DARS2: variants seen among roughly 807,000 people sequenced by gnomAD.
The protein encoded by DARS2 is aspartate--tRNA ligase, mitochondrial.
Under a neutral mutation model 83.0 loss-of-function variants are expected in DARS2, and 63 were observed. The ratio of observed to expected loss-of-function variants is 0.76; its 90% CI spans 0.62 to 0.94. The LOEUF (loss-of-function observed/expected upper bound fraction) is 0.94, where lower values mean the gene tolerates loss of function less well. Ranked by LOEUF, DARS2 falls within the 40% of genes least tolerant of loss-of-function variation. DARS2 has a pLI of 0.00. For missense variants in DARS2, 675 were observed against 774.4 expected (o/e 0.87, Z 1.52); for synonymous variants, 250 against 269.3 (o/e 0.93, Z 0.70).
chr1:173,827,459 C>T (rs975506315), intron 2 of DARS2, among the ~76,000 whole-genome samples: 3 of 152,116 alleles, frequency 2.0e-5, no homozygotes, highest in Middle Eastern at 3.2e-3. Flanking sequence ...GAAACCCCGT[C>T]TCTACTAAAA....
chr1:173,824,851 T>G lies in DARS2; in HGVS notation c.-379T>G. 4.4e-6 allele frequency: 1 copy of G among 224,844 alleles called. No homozygotes were observed. The highest frequency in any genetic ancestry group is 5.3e-5 in the South Asian group (1 of 18,826). 13.9% of individuals were successfully genotyped at this position (224,844 alleles called of 1,614,324 possible). ...GGCCGCGGGAGCCTCTCGAGAAGCG[T>G]GGAAAGAGGAGAAGGGCGTATACCT... On this transcript the variant is annotated 5_prime_UTR_variant, in exon 1 of 17. Coordinates refer to ENST00000649689, the MANE Select transcript of DARS2 (RefSeq NM_018122.5).
rs537389428 is a variant in DARS2 at position 173,829,475 on chromosome 1, A to T, written c.294+1076A>T. Reference sequence around the variant, plus strand: ...GACAGAGTGATATTCTGAAAAAAAAATTTTTTTAATTAAAAAATTCAAGGC... The same window carrying T: ...GACAGAGTGATATTCTGAAAAAAAATTTTTTTTAATTAAAAAATTCAAGGC... On this transcript the variant is annotated intron_variant, in intron 3 of 16. Coordinates refer to ENST00000649689, the MANE Select transcript of DARS2 (RefSeq NM_018122.5). 4.3e-4 allele frequency among the ~76,000 whole-genome samples: 66 copies of T among 152,204 alleles called. 1 individual carries two copies. Among genetic ancestry groups the T allele is most frequent in the African/African-American group, 1.1e-3 (45 of 41,510 alleles).
intron 11 of DARS2, among the ~76,000 whole-genome samples, chr1:173,841,486 G>GTTTTTCT (rs766811718): frequency 2.4e-4 from 36 of 152,016 alleles, no homozygotes; most frequent in Non-Finnish European, 4.9e-4. Flanking sequence ...GATCCGGGGT[G>GTTTTTCT]TTTTTCTTTT....
Position 173,826,810 on chromosome 1 carries a change from G to A in DARS2, c.227+24G>A, listed in dbSNP as rs748071650. ...AGGTAAATTGAGAAAGACAGTCTAA[G>A]AATGCATGGTGGTGGTTTTCCCAGG... On this transcript the variant is annotated intron_variant, in intron 2 of 16. Coordinates refer to ENST00000649689, the MANE Select transcript of DARS2 (RefSeq NM_018122.5). 3 of 1,525,704 alleles carry A rather than the reference G, an allele frequency of 2.0e-6. No individual in the cohort carries two copies. In the South Asian group the frequency reaches 3.4e-5, roughly 17 times the overall value. 94.5% of individuals were successfully genotyped at this position (1,525,704 alleles called of 1,614,324 possible).
chr1:173,846,019 G>T (rs1236275024), intron 12 of DARS2, among the ~76,000 whole-genome samples: 1 of 152,250 alleles, frequency 6.6e-6, no homozygotes, highest in South Asian at 2.1e-4. Flanking sequence ...TTAGCTGGGC[G>T]TGGTGGCGCG....
chr1:173,826,432 T>C (rs1016357191), intron 1 of DARS2, among the ~76,000 whole-genome samples: 7 of 152,086 alleles, frequency 4.6e-5, no homozygotes, highest in Non-Finnish European at 7.4e-5. Flanking sequence ...TGCTAGAAGA[T>C]CAAAAAAATT....
At chr1:173,842,101 C>G (rs371096758) in intron 11 of DARS2, among the ~76,000 whole-genome samples, 1 of 152,134 alleles carries the variant, frequency 6.6e-6, no homozygotes, top group African/African-American at 2.4e-5. Context: ...AGTGCTGACT[C>G]TAAAGCAACG....
chr1:173,857,214 C>T (rs947836674), intron 16 of DARS2, among the ~76,000 whole-genome samples: 5 of 152,140 alleles, frequency 3.3e-5, no homozygotes, highest in African/African-American at 1.2e-4. Flanking sequence ...ATGGAGTTCC[C>T]TGCCAAGCAC....
At position 173,836,814 on chromosome 1, in the gene DARS2, T is replaced by C. The variant is rs1653021380; in HGVS notation, c.664-126T>C. ...AAGCAGGAAATTGTCTCTGTCATTG[T>C]AGGAACTTTGTTCTTTAGTCATTCA... is the stretch of plus-strand genomic sequence containing the variant. On this transcript the variant is annotated intron_variant, in intron 7 of 16. Transcript: ENST00000649689. The C allele has an allele frequency of 6.2e-6, 5 of 805,578 alleles. No individual in the cohort carries two copies. The East Asian group carries it at 1.2e-4, about 20-fold the overall frequency. The allele number at this position is 805,578 out of a possible 1,614,324, so 49.9% of individuals were successfully genotyped here.
intron 9 of DARS2, among the ~76,000 whole-genome samples, chr1:173,838,535 T>G (rs879821568): frequency 5.3e-5 from 8 of 152,076 alleles, no homozygotes; most frequent in Non-Finnish European, 1.0e-4. Flanking sequence ...ATGTGTCCTT[T>G]TCATAAAGAA....
At position 173,857,849 on chromosome 1, in the gene DARS2, A is replaced by G. The variant is rs748208338; in HGVS notation, c.*144A>G. Reference sequence around the variant, plus strand: ...AATCCAGGCAACATTCTTCACCACAACGAAGAAACAGATAAAAGATACCCA... The same window carrying G: ...AATCCAGGCAACATTCTTCACCACAGCGAAGAAACAGATAAAAGATACCCA... On this transcript the variant is annotated 3_prime_UTR_variant, in exon 17 of 17. Transcript: ENST00000649689. The G allele has an allele frequency of 7.0e-6, 6 of 861,090 alleles. No homozygotes were observed. The highest frequency in any genetic ancestry group is 9.3e-6 in the Non-Finnish European group (5 of 539,444). The allele number at this position is 861,090 out of a possible 1,614,324, so 53.3% of individuals were successfully genotyped here. A position where few individuals can be genotyped will look rare whatever the true frequency, so the allele number is the denominator to read the frequency against.
intron 6 of DARS2, among the ~76,000 whole-genome samples, chr1:173,834,021 C>T (rs974414081): frequency 5.9e-5 from 9 of 152,130 alleles, no homozygotes; most frequent in Admixed American, 5.2e-4. Context: ...CTAACCATCC[C>T]AAAGTGCTGG....
intron 12 of DARS2, among the ~76,000 whole-genome samples, chr1:173,848,293 G>A (rs186965860): frequency 1.3e-5 from 2 of 152,240 alleles, no homozygotes; most frequent in African/African-American, 4.8e-5. Context: ...CTTACAAAAT[G>A]TCTTTATGTT....
chr1:173,849,358 AC>A (rs1371801396), intron 12 of DARS2, among the ~76,000 whole-genome samples: 5 of 151,702 alleles, frequency 3.3e-5, no homozygotes, highest in Non-Finnish European at 7.4e-5. Context: ...ACATAGTGAA[AC>A]CCCGTCTCTA....
At chr1:173,839,832 G>GA (rs1430209490) in intron 10 of DARS2, among the ~76,000 whole-genome samples, 3 of 151,640 alleles carry the variant, frequency 2.0e-5, no homozygotes, top group Non-Finnish European at 4.4e-5. Flanking sequence ...TAACTTGAAA[G>GA]AAAAAATAAC....
rs761686234 is a variant in DARS2 at position 173,850,555 on chromosome 1, G to A, written c.1344+76G>A. The A allele has an allele frequency of 7.6e-5, 108 of 1,414,228 alleles. 2 individuals are homozygous for A. The South Asian group carries it at 1.1e-3, about 14-fold the overall frequency. The allele number at this position is 1,414,228 out of a possible 1,614,324, so 87.6% of individuals were successfully genotyped here. ...TTACTCTCCTATGTATATAGTATAC[G>A]TTTGAACTGTAGACTGTTAATTCAT... On this transcript the variant is annotated intron_variant, in intron 13 of 16. Coordinates refer to ENST00000649689, the MANE Select transcript of DARS2 (RefSeq NM_018122.5).
intron 11 of DARS2, among the ~76,000 whole-genome samples, chr1:173,844,552 C>G (rs1653343794): frequency 6.6e-6 from 1 of 151,192 alleles, no homozygotes; most frequent in African/African-American, 2.4e-5. Context: ...CACCTGTAAT[C>G]CCAGCTACTT....
Position 173,840,530 on chromosome 1 carries a change from C to G in DARS2, c.1021-336C>G, listed in dbSNP as rs1414979425. Among the ~76,000 whole-genome samples, 4 of 152,324 alleles carry G rather than the reference C, an allele frequency of 2.6e-5. No homozygotes were observed. In the East Asian group the frequency reaches 7.7e-4, roughly 29 times the overall value. On this transcript the variant is annotated intron_variant, in intron 10 of 16. Transcript: ENST00000649689. Reference sequence around the variant, plus strand: ...AATAGGCATGAGCCTCTGCGCCGAGCCTGGAATCTTAATCTGGTTCTTAAG... The same window carrying G: ...AATAGGCATGAGCCTCTGCGCCGAGGCTGGAATCTTAATCTGGTTCTTAAG...
intron 3 of DARS2, among the ~76,000 whole-genome samples, chr1:173,830,392 C>T (rs568285199): frequency 6.6e-6 from 1 of 152,236 alleles, no homozygotes; most frequent in East Asian, 1.9e-4. Context: ...CTTGTTTGCA[C>T]TAATAATAGT....
Sources: allele counts gnomAD v4.1 joint callset (sites outside exome capture counted in the v4.1 genomes callset), GRCh38; gene constraint gnomAD v4.1.1; transcripts MANE v1.5; gene names NCBI Gene and HGNC (gene_info 2026-07-23, HGNC 2026-07-21).